ANKRD36: variants seen among roughly 807,000 people sequenced by gnomAD.
ANKRD36 encodes the protein ankyrin repeat domain 36.
A neutral mutation model predicts 278.1 loss-of-function variants in ANKRD36; 179 were observed. The observed-to-expected ratio is 0.64, with a 90% CI of 0.57 to 0.73. The LOEUF (loss-of-function observed/expected upper bound fraction) is 0.73. ANKRD36 is among the 30% of genes least tolerant of loss of function. The pLI, the probability that ANKRD36 is intolerant of heterozygous loss-of-function variation, is 0.00. For missense variants in ANKRD36, 1,159 were observed against 1,956.7 expected, an observed-to-expected ratio of 0.59 and a Z score of 7.69; for synonymous variants, 320 against 641.1, an observed-to-expected ratio of 0.50 and a Z score of 7.57.
chr2:97,117,385 C>T (rs2035762744), intron 1 of ANKRD36, among the ~76,000 whole-genome samples: 2 of 152,012 alleles, frequency 1.3e-5, no homozygotes, highest in Admixed American at 6.6e-5. Context: ...CTGTATCCCA[C>T]TTAATGTAAG....
At chr2:97,114,418 G>A (rs4079027) in intron 1 of ANKRD36, among the ~76,000 whole-genome samples, 5 of 130,458 alleles carry the variant, frequency 3.8e-5, no homozygotes, top group South Asian at 3.0e-4. Flanking sequence ...AAACCTTGGC[G>A]GGGGCGAGCA....
chr2:97,157,241 A>C (rs1448498784), intron 15 of ANKRD36, among the ~76,000 whole-genome samples: 3 of 147,288 alleles, frequency 2.0e-5, no homozygotes, highest in South Asian at 2.1e-4. Context: ...TAAACTTTTT[A>C]TTACATAAGT....
chr2:97,231,440 G>A (rs1379392838), intron 67 of ANKRD36, among the ~76,000 whole-genome samples: 8 of 152,162 alleles, frequency 5.3e-5, no homozygotes, highest in Admixed American at 5.2e-4. Context: ...CTCTGAGCCA[G>A]GTGCAGGATA....
In ANKRD36 at chr2:97,217,366, G is replaced by A. The variant is rs1241059986; in HGVS notation, c.3769G>A (p.Gly1257Arg). The A allele has an allele frequency of 6.5e-7, 1 of 1,550,100 alleles. No homozygotes were observed. The highest frequency in any genetic ancestry group is 8.7e-7 in the Non-Finnish European group (1 of 1,147,714). ...ATRITGGWKS[G>R]TEYPENLPTL... ...AAGAATAACAGGCGGTTGGAAATCTGGAACAGGTAATTTAGCAATATACAT... is the reference window on the plus strand; with the variant it reads ...AAGAATAACAGGCGGTTGGAAATCTAGAACAGGTAATTTAGCAATATACAT... The change falls in exon 64 of 76, where the codon GGA (glycine) becomes AGA (arginine). Residue 1257 changes from glycine (G) to arginine (R), a missense_variant. Transcript: ENST00000420699.
At chr2:97,209,933 C>CT (rs2153624317) in intron 56 of ANKRD36, 61 bp downstream of exon 56, 3 of 1,526,838 alleles carry the variant, frequency 2.0e-6, no homozygotes, top group Non-Finnish European at 2.6e-6. Flanking sequence ...ATTCTCTTCC[C>CT]TGAATAAATC....
intron 66 of ANKRD36, among the ~76,000 whole-genome samples, chr2:97,220,777 T>TTTTA: frequency 1.1e-5 from 1 of 94,508 alleles, no homozygotes; most frequent in Non-Finnish European, 1.9e-5. Context: ...TTTTTTTAAT[T>TTTTA]TTTTTTTTTT....
At chr2:97,198,738 G>T in intron 44 of ANKRD36, 80 bp downstream of exon 44, 1 of 1,357,354 alleles carries the variant, frequency 7.4e-7, no homozygotes, top group Non-Finnish European at 1.0e-6. Context: ...TCAGCGGGGG[G>T]CTCGTTGAAG....
intron 69 of ANKRD36, among the ~76,000 whole-genome samples, chr2:97,243,202 A>G (rs4315568): frequency 0.15 from 21,878 of 142,382 alleles, 3,340 homozygotes; most frequent in South Asian, 0.59. Flanking sequence ...GGTTTTATAC[A>G]TTTTAGAGAA....
chr2:97,231,725 G>A lies in ANKRD36; in HGVS notation c.3952-2005G>A, dbSNP rs140160307. Among the ~76,000 whole-genome samples, 18 of 152,214 alleles carry A rather than the reference G, an allele frequency of 1.2e-4. No homozygotes were observed. In the East Asian group the frequency reaches 1.4e-3, roughly 12 times the overall value. Reference sequence around the variant, plus strand: ...AATGCAGAAACCACCCATCTTCTGCGTCGCTCACGCTGGGAGCTGTAGACT... The same window carrying A: ...AATGCAGAAACCACCCATCTTCTGCATCGCTCACGCTGGGAGCTGTAGACT... On this transcript the variant is annotated intron_variant, in intron 67 of 75. Coordinates refer to ENST00000420699, the MANE Select transcript of ANKRD36 (RefSeq NM_001354587.1).
chr2:97,169,586 G>A lies in ANKRD36; in HGVS notation c.1633+1819G>A, dbSNP rs372503807. Among the ~76,000 whole-genome samples the A allele has an allele frequency of 9.8e-5, 15 of 152,372 alleles. No homozygotes were observed. The East Asian group carries it at 2.9e-3, about 29-fold the overall frequency. On this transcript the variant is annotated intron_variant, in intron 22 of 75. Coordinates refer to ENST00000420699, the MANE Select transcript of ANKRD36 (RefSeq NM_001354587.1). ...TCAGCTGATAAGCAACATCAGCAAA[G>A]TCTCAGGATACAAAATCAGTGTGCA...
chr2:97,203,754 G>A (rs1279448338), intron 48 of ANKRD36, among the ~76,000 whole-genome samples: 1 of 151,792 alleles, frequency 6.6e-6, no homozygotes, highest in African/African-American at 2.4e-5. Flanking sequence ...TGTATGAGTT[G>A]CTCCTCTGAT....
intron 24 of ANKRD36, among the ~76,000 whole-genome samples, chr2:97,181,155 C>T (rs1242764331): frequency 5.9e-5 from 9 of 151,542 alleles, no homozygotes; most frequent in Non-Finnish European, 1.3e-4. Flanking sequence ...TAATTGTGTA[C>T]CTCCTAGTTA....
chr2:97,203,146 G>T (rs1466423755), intron 48 of ANKRD36, among the ~76,000 whole-genome samples: 1 of 151,716 alleles, frequency 6.6e-6, no homozygotes, highest in Non-Finnish European at 1.5e-5. Context: ...CCTTGTTCAA[G>T]GAGCTACCTC....
rs1424819225 is a variant in ANKRD36, at chr2:97,151,872, C to T, written c.1102-7C>T. The T allele has an allele frequency of 7.3e-7, 1 of 1,374,512 alleles. No individual in the cohort carries two copies. Among genetic ancestry groups the T allele is most frequent in the African/African-American group, 1.4e-5 (1 of 69,314 alleles). 85.1% of individuals were successfully genotyped at this position (1,374,512 alleles called of 1,614,324 possible). On this transcript the variant is annotated splice_region_variant and splice_polypyrimidine_tract_variant and intron_variant, in intron 12 of 75. Transcript: ENST00000420699. ...TTATTCTTAAACCTATTGTGTTTTTCTTCTAGATTATTTCAAAACTATACA... is the reference window on the plus strand; with the variant it reads ...TTATTCTTAAACCTATTGTGTTTTTTTTCTAGATTATTTCAAAACTATACA...
intron 6 of ANKRD36, among the ~76,000 whole-genome samples, chr2:97,134,441 T>C (rs978702542): frequency 6.6e-6 from 1 of 152,082 alleles, no homozygotes; most frequent in African/African-American, 2.4e-5. Flanking sequence ...TCTCAAGACG[T>C]TGTACTTTAT....
chr2:97,192,969 A>G lies in ANKRD36; in HGVS notation c.2377-12A>G. On this transcript the variant is annotated splice_polypyrimidine_tract_variant and intron_variant, in intron 37 of 75. Coordinates refer to ENST00000420699, the MANE Select transcript of ANKRD36 (RefSeq NM_001354587.1). The stretch of plus-strand genomic sequence containing the variant: ...TTTATTAATTTATTATTTCATTTGA[A>G]ATTCCATTCAGGCTACAAGTGACGA... The G allele has an allele frequency of 6.3e-7, 1 of 1,584,354 alleles. No individual in the cohort carries two copies. Among genetic ancestry groups the G allele is most frequent in the Non-Finnish European group, 8.6e-7 (1 of 1,165,478 alleles).
rs556160948 is a variant in ANKRD36, at chr2:97,114,071, G to A, written c.197+135G>A. On this transcript the variant is annotated intron_variant, in intron 1 of 75. Transcript: ENST00000420699. ...ACGGGGGCTAGGGGGTGCCCGGCTGGGGTGGGAGTGAGTGGAGCGGGGCCT... is the reference window on the plus strand; with the variant it reads ...ACGGGGGCTAGGGGGTGCCCGGCTGAGGTGGGAGTGAGTGGAGCGGGGCCT... 3.5e-6 allele frequency: 5 copies of A among 1,414,064 alleles called. No individual in the cohort carries two copies. The Admixed American group carries it at 7.6e-5, about 21-fold the overall frequency. The allele number at this position is 1,414,064 out of a possible 1,614,324, so 87.6% of individuals were successfully genotyped here.
intron 6 of ANKRD36, among the ~76,000 whole-genome samples, chr2:97,138,016 A>G (rs1442222922): frequency 2.0e-5 from 3 of 151,912 alleles, no homozygotes; most frequent in Non-Finnish European, 2.9e-5. Context: ...CCTTTTTCAG[A>G]TGGACAGATT....
chr2:97,133,773 A>T (rs2040766232), intron 6 of ANKRD36, among the ~76,000 whole-genome samples: 5 of 152,050 alleles, frequency 3.3e-5, no homozygotes, highest in Admixed American at 3.3e-4. Context: ...TTATTTTAAG[A>T]GCAGTTTTAT....
Sources: gnomAD v4.1 joint callset for allele counts (sites outside exome capture counted in the v4.1 genomes callset) on GRCh38, gnomAD v4.1.1 for gene constraint, MANE v1.5 for transcripts, NCBI Gene and HGNC (gene_info 2026-07-23, HGNC 2026-07-21) for gene names.